LRRIQ1: variants seen among roughly 807,000 people sequenced by gnomAD.
LRRIQ1 encodes the protein leucine rich repeats and IQ motif containing 1.
A neutral mutation model predicts 211.9 loss-of-function variants in LRRIQ1; 210 were observed. That is an observed-to-expected ratio of 0.99 (90% confidence interval 0.89 to 1.11). The LOEUF (loss-of-function observed/expected upper bound fraction) is 1.11, where lower values mean the gene tolerates loss of function less well. Ranked by LOEUF, LRRIQ1 falls within the 50% of genes most tolerant of loss-of-function variation. The pLI, the probability that LRRIQ1 is intolerant of heterozygous loss-of-function variation, is 0.00. For synonymous variants in LRRIQ1, 699 were observed against 650.1 expected (o/e 1.08, Z -1.14); for missense variants, 2,136 against 1,939.5 (o/e 1.10, Z -1.90).
chr12:85,133,251 T>G (rs1022523917), intron 18 of LRRIQ1, among the ~76,000 whole-genome samples: 1 of 152,150 alleles, frequency 6.6e-6, no homozygotes, highest in Non-Finnish European at 1.5e-5. Context: ...TTGAAAATAT[T>G]GATAACAATC....
At chr12:85,107,888 A>G (rs907727433) in intron 15 of LRRIQ1, among the ~76,000 whole-genome samples, 1 of 152,092 alleles carries the variant, frequency 6.6e-6, no homozygotes, top group African/African-American at 2.4e-5. Flanking sequence ...TATTTCTTTA[A>G]CATTTGTAAT....
intron 26 of LRRIQ1, among the ~76,000 whole-genome samples, chr12:85,234,989 A>C (rs755305808): frequency 1.2e-3 from 185 of 152,332 alleles, no homozygotes; most frequent in Non-Finnish European, 8.5e-4. Context: ...TGAATGCCAA[A>C]AGACAGTGGA....
At chr12:85,207,624 T>C (rs1008137411) in intron 24 of LRRIQ1, among the ~76,000 whole-genome samples, 1 of 152,170 alleles carries the variant, frequency 6.6e-6, no homozygotes, top group Admixed American at 6.6e-5. Context: ...GATTTTGTCC[T>C]GTGTTATCTC....
intron 26 of LRRIQ1, among the ~76,000 whole-genome samples, chr12:85,242,899 AT>A (rs1227893098): frequency 1.3e-5 from 2 of 151,856 alleles, no homozygotes; most frequent in Non-Finnish European, 2.9e-5. Context: ...TCATCTTTGG[AT>A]GTTAATTACT....
At chr12:85,195,955 G>T (rs1303757063) in intron 24 of LRRIQ1, among the ~76,000 whole-genome samples, 2 of 151,808 alleles carry the variant, frequency 1.3e-5, no homozygotes, top group African/African-American at 2.4e-5. Context: ...ATCTCCTTAA[G>T]CTGATAAGCA....
intron 15 of LRRIQ1, among the ~76,000 whole-genome samples, chr12:85,117,479 A>T (rs1356893258): frequency 6.6e-6 from 1 of 152,268 alleles, no homozygotes; most frequent in East Asian, 1.9e-4. Context: ...TGCTTTATTA[A>T]TTTTTCTTGT....
chr12:85,073,166 G>A, intron 11 of LRRIQ1, 68 bp downstream of exon 11: 1 of 1,093,608 alleles, frequency 9.1e-7, no homozygotes, highest in Admixed American at 2.6e-5. Context: ...GGGAGGGTTG[G>A]ATCTAGGCAG....
chr12:85,167,692 T>G (rs1263466908), intron 24 of LRRIQ1, among the ~76,000 whole-genome samples: 1 of 152,140 alleles, frequency 6.6e-6, no homozygotes, highest in Admixed American at 6.5e-5. Context: ...ACTCAAATGT[T>G]AATCTCCTTT....
intron 1 of LRRIQ1, among the ~76,000 whole-genome samples, chr12:85,250,981 G>GATTATATATTATATTATATATATTATAT (rs1895925961): frequency 1.3e-5 from 1 of 74,292 alleles, no homozygotes; most frequent in Non-Finnish European, 2.7e-5. Context: ...ATATATTATA[G>GATTATATATTATATTATATATATTATAT]ATTATATATT....
chr12:85,072,534 A>C (rs1592739639), intron 10 of LRRIQ1, among the ~76,000 whole-genome samples: 1 of 141,722 alleles, frequency 7.1e-6, no homozygotes, highest in Admixed American at 7.4e-5. Flanking sequence ...TTTGTCGTTA[A>C]TCAGCCTTTT....
At chr12:85,249,619 A>T (rs1486721910), downstream of LRRIQ1, among the ~76,000 whole-genome samples, 7 of 152,036 alleles carry the variant, frequency 4.6e-5, no homozygotes, top group East Asian at 1.4e-3. Context: ...TGTGCCTAGC[A>T]CATAGTAGGC....
At chr12:85,080,219 T>A (rs1018194392) in intron 11 of LRRIQ1, among the ~76,000 whole-genome samples, 1 of 152,032 alleles carries the variant, frequency 6.6e-6, no homozygotes, top group African/African-American at 2.4e-5. Flanking sequence ...TATAATTTTC[T>A]TTTTCCATTT....
At chr12:85,098,221 G>T (rs966266986) in intron 11 of LRRIQ1, 134 bp from the exon 12 acceptor site, 2 of 577,234 alleles carry the variant, frequency 3.5e-6, no homozygotes, top group Admixed American at 3.6e-5. Context: ...CCAGGAATTT[G>T]GACTAAGTCC....
At chr12:85,167,389 G>C (rs1010690784) in intron 24 of LRRIQ1, among the ~76,000 whole-genome samples, 8 of 152,132 alleles carry the variant, frequency 5.3e-5, no homozygotes, top group African/African-American at 1.9e-4. Flanking sequence ...AAGCCAGCCC[G>C]AGTCTCAAAA....
At chr12:85,217,710 G>GTATATA (rs1241813326) in intron 24 of LRRIQ1, among the ~76,000 whole-genome samples, 44 of 136,760 alleles carry the variant, frequency 3.2e-4, no homozygotes, top group African/African-American at 1.3e-3. Context: ...ATATATGTGT[G>GTATATA]TGTATATATG....
chr12:85,242,636 G>A (rs565231587), intron 26 of LRRIQ1, among the ~76,000 whole-genome samples: 2 of 151,922 alleles, frequency 1.3e-5, no homozygotes, highest in East Asian at 3.9e-4. Flanking sequence ...TTAACACTAA[G>A]CAGAGAATGA....
chr12:85,160,648 G>A lies in LRRIQ1; in HGVS notation c.4756G>A (p.Glu1586Lys), dbSNP rs1486232667. ...TVRLALFKNNENKVSLPKSPK... is the reference protein window; with the variant it reads ...TVRLALFKNNKNKVSLPKSPK... ...GCGTCTAGCCTTATTCAAAAACAAT[G>A]AAAATAAAGTGTCTCTTCCAAAATC... Residue 1586 changes from glutamate (E) to lysine (K), a missense_variant, in exon 24 of 27, where the codon GAA becomes AAA. Physicochemically the swap from Glu to Lys is moderately conservative, Grantham distance 56. Coordinates refer to ENST00000393217, the MANE Select transcript of LRRIQ1 (RefSeq NM_001079910.2). The A allele has an allele frequency of 3.7e-6, 6 of 1,610,324 alleles. No homozygotes were observed. Among genetic ancestry groups the A allele is most frequent in the Non-Finnish European group, 4.2e-6 (5 of 1,177,480 alleles).
At position 85,127,916 on chromosome 12, in the gene LRRIQ1, T is replaced by G. The variant is rs1056623351; in HGVS notation, c.4092T>G (p.Ala1364=). ...QTHFSTRLHT[A]ATEGLPNSSI... ...ATTTCTCCACAAGGCTACATACTGC[T>G]GCAACAGAAGGCCTGCCAAATTCTT... The change falls in exon 18 of 27, where the codon GCT becomes GCG. Residue 1364 remains alanine (A), a synonymous_variant. Coordinates refer to ENST00000393217, the MANE Select transcript of LRRIQ1 (RefSeq NM_001079910.2). 1 of 1,613,978 alleles carries G rather than the reference T, an allele frequency of 6.2e-7. No homozygotes were observed. Among genetic ancestry groups the G allele is most frequent in the Non-Finnish European group, 8.5e-7 (1 of 1,180,000 alleles).
intron 24 of LRRIQ1, among the ~76,000 whole-genome samples, chr12:85,219,344 G>A (rs1012732248): frequency 6.6e-6 from 1 of 152,054 alleles, no homozygotes; most frequent in African/African-American, 2.4e-5. Flanking sequence ...AACTATAGTC[G>A]ATTTGTTAAA....
Sources: allele counts gnomAD v4.1 joint callset (sites outside exome capture counted in the v4.1 genomes callset), GRCh38; gene constraint gnomAD v4.1.1; transcripts MANE v1.5; gene names NCBI Gene and HGNC (gene_info 2026-07-23, HGNC 2026-07-21).